Variants in PIP4K2B observed in about 807,000 individuals in gnomAD.
PIP4K2B encodes phosphatidylinositol 5-phosphate 4-kinase type-2 beta.
PIP4K2B carries 3 observed loss-of-function variants against 42.0 expected under a neutral mutation model. The observed-to-expected ratio is 0.07, with a 90% CI of 0.03 to 0.18. The LOEUF (loss-of-function observed/expected upper bound fraction) is 0.18. PIP4K2B is among the 10% of genes least tolerant of loss of function. PIP4K2B has a pLI of 1.00. For synonymous variants in PIP4K2B, 204 were observed against 210.1 expected (o/e 0.97, Z 0.25); for missense variants, 332 against 562.3 (o/e 0.59, Z 4.14).
At chr17:38,792,883 C>G (rs530904853) in intron 1 of PIP4K2B, 2 of 152,316 alleles carry the variant, frequency 1.3e-5, no homozygotes, top group South Asian at 4.1e-4. Context: ...GTGGGAAGGC[C>G]TGCTAAAAGA....
intron 3 of PIP4K2B, among the ~76,000 whole-genome samples, chr17:38,782,641 C>G (rs1909773629): frequency 6.6e-6 from 1 of 152,200 alleles, no homozygotes; most frequent in African/African-American, 2.4e-5. Context: ...ATCTCCTCCT[C>G]CTCTCACAAA....
At position 38,783,205 on chromosome 17, in the gene PIP4K2B, A is replaced by AAC. The variant is rs1909809044; in HGVS notation, c.354+1037_354+1038insGT. The stretch of plus-strand genomic sequence containing the variant: ...AGTGAAACTCCATCTCAAAAAAAAA[A>AAC]AAAAAAAAAAAAAGTCAGCTATATT... On this transcript the variant is annotated intron_variant, in intron 3 of 9. Transcript: ENST00000619039. 4.0e-5 allele frequency among the ~76,000 whole-genome samples: 6 copies of AAC among 151,124 alleles called. No homozygotes were observed. In the South Asian group the frequency reaches 1.3e-3, roughly 32 times the overall value.
In PIP4K2B at chr17:38,769,645, C is replaced by T. The variant is rs746866230; in HGVS notation, c.*46G>A. On this transcript the variant is annotated 3_prime_UTR_variant, in exon 10 of 10. Transcript: ENST00000619039. ...ACCCTTCTCCCTAACTCCCGATCCC[C>T]GACCCCATATCCAGCTCTCTGGCTC... is the stretch of plus-strand genomic sequence containing the variant. 3.5e-6 allele frequency: 4 copies of T among 1,150,622 alleles called. No homozygotes were observed. The highest frequency in any genetic ancestry group is 2.3e-5 in the East Asian group (1 of 42,828). 71.3% of individuals were successfully genotyped at this position (1,150,622 alleles called of 1,614,324 possible).
chr17:38,790,370 T>G (rs559517601), intron 1 of PIP4K2B, among the ~76,000 whole-genome samples: 29 of 152,270 alleles, frequency 1.9e-4, no homozygotes, highest in Admixed American at 6.5e-4. Context: ...GCTCCGAGAC[T>G]TAAAGGGAAA....
intron 2 of PIP4K2B, among the ~76,000 whole-genome samples, chr17:38,785,252 T>C (rs1909941572): frequency 6.6e-6 from 1 of 152,206 alleles, no homozygotes; most frequent in East Asian, 1.9e-4. Flanking sequence ...TTCAGAAATA[T>C]GTCCCAGTGA....
chr17:38,791,937 C>CA (rs773362260), intron 1 of PIP4K2B, among the ~76,000 whole-genome samples: 7 of 149,846 alleles, frequency 4.7e-5, no homozygotes, highest in East Asian at 4.0e-4. Flanking sequence ...AAAAAAAATA[C>CA]AAAAAAAAAT....
chr17:38,798,019 A>G (rs762207033), intron 1 of PIP4K2B, among the ~76,000 whole-genome samples: 4 of 152,174 alleles, frequency 2.6e-5, no homozygotes, highest in Non-Finnish European at 5.9e-5. Flanking sequence ...ACTTTCCTAA[A>G]TGACAGGTCA....
intron 1 of PIP4K2B, among the ~76,000 whole-genome samples, chr17:38,793,041 G>A (rs1206527418): frequency 6.6e-6 from 1 of 151,742 alleles, no homozygotes; most frequent in East Asian, 1.9e-4. Context: ...CCATTCTCCT[G>A]CCTCAGCCTC....
intron 1 of PIP4K2B, 150 bp from the exon 2 acceptor site, chr17:38,787,070 C>T: frequency 1.5e-6 from 1 of 674,024 alleles, no homozygotes; most frequent in Non-Finnish European, 2.7e-6. Flanking sequence ...GGGTCTCATT[C>T]TGTCACCCAG....
Position 38,799,314 on chromosome 17 carries a change from C to T in PIP4K2B, c.111G>A (p.Arg37=), listed in dbSNP as rs1319300375. The T allele has an allele frequency of 6.2e-7, 1 of 1,608,066 alleles. No homozygotes were observed. The highest frequency in any genetic ancestry group is 8.5e-7 in the Non-Finnish European group (1 of 1,177,712). Residue 37 remains arginine (R), a synonymous_variant, in exon 1 of 10, where the codon CGG becomes CGA. Coordinates refer to ENST00000619039, the MANE Select transcript of PIP4K2B (RefSeq NM_003559.5). The surrounding 1 kb of genome is among the most constrained non-coding windows in gnomAD (Gnocchi z 4.4). ...HFVCQKVKLF[R]ASEPILSVLM... is the part of the protein sequence containing the mutation. ...GGACGCTGAGGATCGGCTCGCTGGCCCGGAATAGCTTCACTTTCTGGCACA... is the reference window on the plus strand; with the variant it reads ...GGACGCTGAGGATCGGCTCGCTGGCTCGGAATAGCTTCACTTTCTGGCACA...
At chr17:38,798,567 A>T (rs1034428156) in intron 1 of PIP4K2B, among the ~76,000 whole-genome samples, 1 of 152,204 alleles carries the variant, frequency 6.6e-6, no homozygotes, top group Admixed American at 6.5e-5. Flanking sequence ...CTATGGGAAG[A>T]CATATTATTT....
chr17:38,779,843 G>A (rs918305644), intron 4 of PIP4K2B: 2 of 330,246 alleles, frequency 6.1e-6, no homozygotes, highest in East Asian at 5.0e-5. Context: ...GAAAATCCCT[G>A]ATCCACACCT....
Position 38,771,032 on chromosome 17 carries a change from C to A in PIP4K2B, c.1048G>T (p.Ala350Ser). Residue 350 changes from alanine (A) to serine (S), a missense_variant, in exon 8 of 10, where the codon GCC becomes TCC. This residue lies in a region of PIP4K2B where 63 missense variants were observed against 71.6 expected (regional missense o/e 0.88). Coordinates refer to ENST00000619039, the MANE Select transcript of PIP4K2B (RefSeq NM_003559.5). ...GACTTACTTTCATGGCTTTTCATGG[C>A]ATAGACGTCAACAGAGGGGTCGAAT... The part of the protein sequence containing the change: ...GEFDPSVDVY[A>S]MKSHESSPKK... 1 of 1,614,132 alleles carries A rather than the reference C, an allele frequency of 6.2e-7. No individual in the cohort carries two copies. Among genetic ancestry groups the A allele is most frequent in the Non-Finnish European group, 8.5e-7 (1 of 1,180,032 alleles).
At chr17:38,776,075 A>T in intron 7 of PIP4K2B, 1 of 443,210 alleles carries the variant, frequency 2.3e-6, no homozygotes, top group South Asian at 1.6e-5. Flanking sequence ...GGTTCAAGCG[A>T]TTCTCTTGCC....
chr17:38,785,972 A>G (rs1305500440), intron 2 of PIP4K2B, among the ~76,000 whole-genome samples: 2 of 152,162 alleles, frequency 1.3e-5, no homozygotes, highest in African/African-American at 4.8e-5. Context: ...AACAGGTGGC[A>G]GCTATGGAGA....
Position 38,799,500 on chromosome 17 carries a change from C to T in PIP4K2B, c.-76G>A. 7.2e-7 allele frequency: 1 copy of T among 1,392,466 alleles called. No homozygotes were observed. The highest frequency in any genetic ancestry group is 1.5e-5 in the African/African-American group (1 of 65,570). The allele number at this position is 1,392,466 out of a possible 1,614,324, so 86.3% of individuals were successfully genotyped here. A position where few individuals can be genotyped will look rare whatever the true frequency, so the allele number is the denominator to read the frequency against. ...CACAAGCCAGCGGCCTCAGGCCTCC[C>T]CCGGACCGATCCCCACCCCCGCTCC... On this transcript the variant is annotated 5_prime_UTR_variant, in exon 1 of 10. Transcript: ENST00000619039. This position sits in a 1 kb window ranked among gnomAD's most constrained non-coding sequence, Gnocchi z 4.4.
Position 38,779,624 on chromosome 17 carries a change from G to A in PIP4K2B, c.508-95C>T, listed in dbSNP as rs1909585458. Reference sequence around the variant, plus strand: ...AGACTAAAATGCTCCCTGGCTCCCTGGGATTCTAACCTCTAGACCAGTAGT... The same window carrying A: ...AGACTAAAATGCTCCCTGGCTCCCTAGGATTCTAACCTCTAGACCAGTAGT... On this transcript the variant is annotated intron_variant, in intron 4 of 9. Coordinates refer to ENST00000619039, the MANE Select transcript of PIP4K2B (RefSeq NM_003559.5). 23 of 1,129,264 alleles carry A rather than the reference G, an allele frequency of 2.0e-5. No homozygotes were observed. In the South Asian group the frequency reaches 3.1e-4, roughly 15 times the overall value. The allele number at this position is 1,129,264 out of a possible 1,614,324, so 70.0% of individuals were successfully genotyped here. A position where few individuals can be genotyped will look rare whatever the true frequency, so the allele number is the denominator to read the frequency against.
In PIP4K2B at chr17:38,766,548, G is replaced by C. The variant is rs964677167; in HGVS notation, c.*3143C>G. 1 of 152,674 alleles carries C rather than the reference G, an allele frequency of 6.5e-6. No individual in the cohort carries two copies. Among genetic ancestry groups the C allele is most frequent in the Non-Finnish European group, 1.5e-5 (1 of 68,102 alleles). The allele number at this position is 152,674 out of a possible 1,614,324, so 9.5% of individuals were successfully genotyped here. On this transcript the variant is annotated 3_prime_UTR_variant, in exon 10 of 10. Transcript: ENST00000619039. Reference sequence around the variant, plus strand: ...CTCACGCCCTGAGCGCTACCAGCAGGCCTGTTTGAGGCCAAAAGCACAGGC... The same window carrying C: ...CTCACGCCCTGAGCGCTACCAGCAGCCCTGTTTGAGGCCAAAAGCACAGGC...
intron 7 of PIP4K2B, chr17:38,775,927 CATT>C (rs1909313999): frequency 2.3e-6 from 1 of 429,512 alleles, no homozygotes; most frequent in Admixed American, 2.8e-5. Flanking sequence ...ACCCTGAAGA[CATT>C]ATGCTAAGCA....
Sources: allele counts gnomAD v4.1 joint callset (sites outside exome capture counted in the v4.1 genomes callset), GRCh38; gene constraint gnomAD v4.1.1; regional missense constraint gnomAD v4.1.1; non-coding constraint Gnocchi (gnomAD v3.1); transcripts MANE v1.5; gene names NCBI Gene and HGNC (gene_info 2026-07-23, HGNC 2026-07-21).